RGS6: variants seen among roughly 807,000 people sequenced by gnomAD.
RGS6 encodes regulator of G protein signaling 6, also known as regulator of G-protein signaling 6.
A neutral mutation model predicts 78.5 loss-of-function variants in RGS6; 30 were observed. The observed-to-expected ratio is 0.38, with a 90% CI of 0.29 to 0.52. The LOEUF is 0.52. Among genes scored for constraint, RGS6 ranks in the 20% least tolerant of loss-of-function variants. The pLI, the probability that RGS6 is intolerant of heterozygous loss-of-function variation, is 0.85. For synonymous variants in RGS6, 206 were observed against 206.0 expected, an observed-to-expected ratio of 1.00 and a Z score of 0.00; for missense variants, 495 against 609.7, an observed-to-expected ratio of 0.81 and a Z score of 1.98.
chr14:72,504,749 T>TCCCTCCTCTCCCCTTCCCTC (rs2096775198), intron 13 of RGS6, among the ~76,000 whole-genome samples: 32 of 143,130 alleles, frequency 2.2e-4, no homozygotes, highest in African/African-American at 8.1e-4. Context: ...TCCCTCTCCT[T>TCCCTCCTCTCCCCTTCCCTC]TCCTTTCCTT....
chr14:72,463,874 A>G (rs1246619433), intron 6 of RGS6, among the ~76,000 whole-genome samples: 4 of 152,196 alleles, frequency 2.6e-5, no homozygotes, highest in Non-Finnish European at 5.9e-5. Flanking sequence ...GTGAAGCACT[A>G]TAGCTGCTTG....
intron 2 of RGS6, among the ~76,000 whole-genome samples, chr14:72,090,047 G>T (rs761653793): frequency 6.9e-5 from 10 of 144,910 alleles, no homozygotes; most frequent in Non-Finnish European, 1.5e-4. Flanking sequence ...TTCTTTAAAA[G>T]CCTTCAGCAG....
chr14:72,114,431 A>T (rs2095843303), intron 2 of RGS6, among the ~76,000 whole-genome samples: 2 of 152,136 alleles, frequency 1.3e-5, no homozygotes, highest in Non-Finnish European at 2.9e-5. Flanking sequence ...GGTAGTTGAT[A>T]ATTTCTGACC....
intron 17 of RGS6, among the ~76,000 whole-genome samples, chr14:72,544,661 TCCTG>T (rs1435519453): frequency 6.6e-6 from 1 of 152,194 alleles, no homozygotes; most frequent in African/African-American, 2.4e-5. Flanking sequence ...GGCTTTCCTG[TCCTG>T]CCTGCCTGCC....
chr14:71,971,182 G>A (rs559099022), intron 2 of RGS6, among the ~76,000 whole-genome samples: 39 of 152,290 alleles, frequency 2.6e-4, no homozygotes, highest in African/African-American at 9.1e-4. Context: ...CCACACCCAA[G>A]TTCAACTCCT....
chr14:72,436,044 G>T (rs984909708), intron 3 of RGS6, among the ~76,000 whole-genome samples: 5 of 152,036 alleles, frequency 3.3e-5, no homozygotes, highest in Admixed American at 6.6e-5. Flanking sequence ...GTCTCAACTG[G>T]GAAGGACCCT....
At chr14:72,533,146 G>A (rs1043712660) in intron 15 of RGS6, among the ~76,000 whole-genome samples, 4 of 152,210 alleles carry the variant, frequency 2.6e-5, no homozygotes, top group African/African-American at 9.6e-5. Context: ...ACTATAAGTC[G>A]ATGCCAATGC....
chr14:72,612,997 T>C, the RGS6 span, among the ~76,000 whole-genome samples: 59 of 47,386 alleles, frequency 1.2e-3, no homozygotes, highest in Non-Finnish European at 6.6e-4. Context: ...GTAGGGCGTG[T>C]GTGTGTGTGT....
chr14:72,412,528 C>A (rs2093495959), intron 3 of RGS6, among the ~76,000 whole-genome samples: 2 of 152,234 alleles, frequency 1.3e-5, no homozygotes, highest in African/African-American at 4.8e-5. Flanking sequence ...CTCCTGGATT[C>A]ATTTATTTTT....
chr14:72,309,157 G>A (rs955514759), intron 2 of RGS6, among the ~76,000 whole-genome samples: 3 of 152,102 alleles, frequency 2.0e-5, no homozygotes, highest in Non-Finnish European at 2.9e-5. Flanking sequence ...ATGTGGAACC[G>A]GAGCTGTTCT....
intron 3 of RGS6, among the ~76,000 whole-genome samples, chr14:72,383,177 CATAT>C (rs35175623): frequency 0.025 from 1,754 of 71,008 alleles, 42 homozygotes; most frequent in African/African-American, 0.056. Context: ...AAAAATTGTA[CATAT>C]ATATATATAT....
intron 2 of RGS6, among the ~76,000 whole-genome samples, chr14:72,130,882 G>T (rs570547856): frequency 2.0e-5 from 3 of 151,728 alleles, no homozygotes; most frequent in East Asian, 3.9e-4. Context: ...ATGTGTGTTG[G>T]GGGGATAGGA....
chr14:72,061,956 A>G (rs956561527), intron 2 of RGS6, among the ~76,000 whole-genome samples: 3 of 152,248 alleles, frequency 2.0e-5, no homozygotes, highest in African/African-American at 7.2e-5. Context: ...AGCAAGAAAC[A>G]AGACAGAGCC....
In RGS6 at chr14:72,270,884, A is replaced by G. The variant is rs1346701410; in HGVS notation, c.85-81211A>G. On this transcript the variant is annotated intron_variant, in intron 2 of 17. Transcript: ENST00000553525. ...TGTTCTGTTCTGTGCACATATCTCT[A>G]GGGGAAGTGCAGAAGACATGGGGCA... Among the ~76,000 whole-genome samples the G allele has an allele frequency of 2.0e-5, 3 of 152,198 alleles. No individual in the cohort carries two copies. The East Asian group carries it at 5.8e-4, about 29-fold the overall frequency.
intron 2 of RGS6, among the ~76,000 whole-genome samples, chr14:72,321,570 A>C (rs180749948): frequency 6.6e-6 from 1 of 152,188 alleles, no homozygotes; most frequent in Admixed American, 6.5e-5. Flanking sequence ...AGAATAAAAC[A>C]AGGTTGAATT....
chr14:72,431,149 C>G (rs1357070460), intron 3 of RGS6, among the ~76,000 whole-genome samples: 1 of 152,180 alleles, frequency 6.6e-6, no homozygotes, highest in Non-Finnish European at 1.5e-5. Context: ...TTGGAAACAA[C>G]AAGGAATCTG....
chr14:72,399,270 C>G (rs1195894990), intron 3 of RGS6, among the ~76,000 whole-genome samples: 4 of 152,036 alleles, frequency 2.6e-5, no homozygotes, highest in East Asian at 1.9e-4. Flanking sequence ...GTATTGATCC[C>G]CTTTACCATT....
the RGS6 span, among the ~76,000 whole-genome samples, chr14:72,586,507 C>A: frequency 2.0e-5 from 3 of 152,140 alleles, no homozygotes; most frequent in East Asian, 5.8e-4. Flanking sequence ...AACCACAGGC[C>A]AAATAAACCT....
intron 2 of RGS6, among the ~76,000 whole-genome samples, chr14:72,105,632 T>G (rs1188492052): frequency 1.3e-5 from 2 of 152,226 alleles, no homozygotes; most frequent in Non-Finnish European, 2.9e-5. Flanking sequence ...TAAAGCTTAG[T>G]CTCTGATATT....
Sources: gnomAD v4.1 joint callset for allele counts (sites outside exome capture counted in the v4.1 genomes callset) on GRCh38, gnomAD v4.1.1 for gene constraint, MANE v1.5 for transcripts, NCBI Gene and HGNC (gene_info 2026-07-23, HGNC 2026-07-21) for gene names.